The following FOXN3 variants were observed in gnomAD, a reference collection of about 807,000 sequenced individuals.
FOXN3 encodes the protein forkhead box protein N3.
FOXN3 carries 7 observed loss-of-function variants against 38.4 expected under a neutral mutation model. The observed-to-expected ratio is 0.18, with a 90% CI of 0.10 to 0.34. The LOEUF (loss-of-function observed/expected upper bound fraction) is 0.34. Ranked by LOEUF, FOXN3 falls within the 10% of genes least tolerant of loss-of-function variation. FOXN3 has a pLI of 1.00. For synonymous variants in FOXN3, 230 were observed against 242.2 expected (o/e 0.95, Z 0.47); for missense variants, 456 against 613.4 (o/e 0.74, Z 2.71).
intron 1 of FOXN3, among the ~76,000 whole-genome samples, chr14:89,443,732 G>A (rs1354353754): frequency 1.3e-5 from 2 of 152,112 alleles, no homozygotes; most frequent in African/African-American, 2.4e-5. Flanking sequence ...AGTTGGGGCC[G>A]GGCGCAGTGG....
chr14:89,211,785 T>C (rs761006865), intron 4 of FOXN3, among the ~76,000 whole-genome samples: 10 of 152,292 alleles, frequency 6.6e-5, no homozygotes, highest in South Asian at 2.1e-4. Context: ...AGCATTATGA[T>C]CCTTTGGTCT....
At chr14:89,438,973 G>C (rs888244513) in intron 1 of FOXN3, among the ~76,000 whole-genome samples, 1 of 152,016 alleles carries the variant, frequency 6.6e-6, no homozygotes, top group Non-Finnish European at 1.5e-5. Context: ...TGGTCGGCTG[G>C]TTTCGAACTC....
At chr14:89,259,910 C>A (rs10144246) in intron 4 of FOXN3, among the ~76,000 whole-genome samples, 5,749 of 152,288 alleles carry the variant, frequency 0.038, 330 homozygotes, top group African/African-American at 0.13. Flanking sequence ...ACACATTCAA[C>A]CTCTGGAATC....
At chr14:89,387,941 G>A (rs960519300) in intron 2 of FOXN3, among the ~76,000 whole-genome samples, 3 of 152,208 alleles carry the variant, frequency 2.0e-5, no homozygotes, top group African/African-American at 7.2e-5. Flanking sequence ...CCAGCACTTG[G>A]GGCAGCCCAG....
intron 3 of FOXN3, chr14:89,291,621 CT>C (rs1266839805): frequency 4.0e-6 from 2 of 498,236 alleles, no homozygotes; most frequent in East Asian, 1.1e-4. Flanking sequence ...GGGGTCCTGT[CT>C]TTGGCAATGC....
At chr14:89,441,437 G>A (rs1279638317) in intron 1 of FOXN3, among the ~76,000 whole-genome samples, 1 of 152,098 alleles carries the variant, frequency 6.6e-6, no homozygotes. Context: ...TACCTTCTTG[G>A]GGCAGTAATA....
At chr14:89,229,078 A>G (rs1884724094) in intron 4 of FOXN3, among the ~76,000 whole-genome samples, 1 of 152,206 alleles carries the variant, frequency 6.6e-6, no homozygotes, top group African/African-American at 2.4e-5. Flanking sequence ...CAACCAATAC[A>G]GCCCTGACAA....
intron 1 of FOXN3, among the ~76,000 whole-genome samples, chr14:89,476,579 A>G (rs1402157463): frequency 2.0e-5 from 3 of 152,228 alleles, no homozygotes; most frequent in African/African-American, 7.2e-5. Flanking sequence ...TCAGAGTGAG[A>G]GAGAAATCAA....
chr14:89,388,377 G>T (rs1367583087), intron 2 of FOXN3, among the ~76,000 whole-genome samples: 3 of 152,196 alleles, frequency 2.0e-5, no homozygotes, highest in Non-Finnish European at 4.4e-5. Flanking sequence ...CTCAGGGATG[G>T]AAGAGTGGGG....
chr14:89,315,291 A>G (rs1399254913), intron 3 of FOXN3, among the ~76,000 whole-genome samples: 1 of 152,162 alleles, frequency 6.6e-6, no homozygotes, highest in Non-Finnish European at 1.5e-5. Context: ...TCACACAGCA[A>G]TATCTTGATG....
intron 1 of FOXN3, among the ~76,000 whole-genome samples, chr14:89,527,179 A>G (rs1894450878): frequency 6.6e-6 from 1 of 152,232 alleles, no homozygotes; most frequent in Non-Finnish European, 1.5e-5. Context: ...TTTGAAATCC[A>G]TATGCAAAGA....
chr14:89,511,684 T>A (rs1259095542), intron 1 of FOXN3, among the ~76,000 whole-genome samples: 2 of 152,130 alleles, frequency 1.3e-5, no homozygotes, highest in Non-Finnish European at 2.9e-5. Context: ...TGAAGAGTAT[T>A]GTATTAGTCC....
At chr14:89,265,160 G>T (rs1885932428) in intron 4 of FOXN3, among the ~76,000 whole-genome samples, 1 of 152,190 alleles carries the variant, frequency 6.6e-6, no homozygotes, top group Non-Finnish European at 1.5e-5. Context: ...TACAGGGCAG[G>T]TGTTAATAGC....
At chr14:89,253,188 G>T (rs1885513159) in intron 4 of FOXN3, among the ~76,000 whole-genome samples, 1 of 152,188 alleles carries the variant, frequency 6.6e-6, no homozygotes. Flanking sequence ...CTGCACCTGG[G>T]GAGGGGACCA....
chr14:89,420,995 A>C (rs1446146683), upstream of FOXN3, among the ~76,000 whole-genome samples: 1 of 152,042 alleles, frequency 6.6e-6, no homozygotes, highest in Non-Finnish European at 1.5e-5. Context: ...AAATCATTGC[A>C]GTAATTCATA....
intron 1 of FOXN3, among the ~76,000 whole-genome samples, chr14:89,555,838 G>GGTCTGTGTGTGT (rs1895104122): frequency 1.1e-5 from 1 of 89,620 alleles, no homozygotes; most frequent in Non-Finnish European, 2.8e-5. Context: ...TCTAGTTCAT[G>GGTCTGTGTGTGT]GTGTGTGTGT....
chr14:89,520,170 C>A (rs77327557), intron 1 of FOXN3, among the ~76,000 whole-genome samples: 1 of 151,284 alleles, frequency 6.6e-6, no homozygotes, highest in Non-Finnish European at 1.5e-5. Flanking sequence ...TGTACCTCGA[C>A]GTCCAGTGAC....
intron 2 of FOXN3, among the ~76,000 whole-genome samples, chr14:89,404,856 A>G (rs1285307498): frequency 1.3e-5 from 2 of 152,158 alleles, no homozygotes; most frequent in Non-Finnish European, 2.9e-5. Flanking sequence ...TTACAAAATT[A>G]CATGTTCCAC....
intron 1 of FOXN3, among the ~76,000 whole-genome samples, chr14:89,518,167 A>T (rs537135758): frequency 8.1e-4 from 123 of 152,306 alleles, no homozygotes; most frequent in Admixed American, 2.2e-3. Flanking sequence ...TCACCTGGGC[A>T]TGTGTAGGCC....
Sources: gnomAD v4.1 joint callset for allele counts (sites outside exome capture counted in the v4.1 genomes callset) on GRCh38, gnomAD v4.1.1 for gene constraint, MANE v1.5 for transcripts, NCBI Gene and HGNC (gene_info 2026-07-23, HGNC 2026-07-21) for gene names.